Variants in TMOD1 observed in about 807,000 individuals in gnomAD.
TMOD1 encodes the protein tropomodulin 1.
A neutral mutation model predicts 40.6 loss-of-function variants in TMOD1; 17 were observed. The observed-to-expected ratio is 0.42, with a 90% confidence interval of 0.29 to 0.63. TMOD1 has a LOEUF of 0.63. Among genes scored for constraint, TMOD1 ranks in the 20% least tolerant of loss-of-function variants. The pLI, the probability that TMOD1 is intolerant of heterozygous loss-of-function variation, is 0.22. For synonymous variants in TMOD1, 181 were observed against 175.0 expected (o/e 1.03, Z -0.27); for missense variants, 391 against 447.6 (o/e 0.87, Z 1.14).
intron 8 of TMOD1, among the ~76,000 whole-genome samples, chr9:97,569,466 T>C (rs1005729493): frequency 2.0e-5 from 3 of 152,236 alleles, no homozygotes; most frequent in African/African-American, 7.2e-5. Context: ...CCCAGTTTTC[T>C]TCATTCACCC....
intron 1 of TMOD1, among the ~76,000 whole-genome samples, chr9:97,507,916 A>G (rs10982444): frequency 0.5 from 75,419 of 151,918 alleles, 18,880 homozygotes; most frequent in East Asian, 0.62. Flanking sequence ...AGGGCATAGT[A>G]GTTAAGGCGG....
At chr9:97,544,063 A>C (rs1424394150) in intron 2 of TMOD1, among the ~76,000 whole-genome samples, 4 of 152,098 alleles carry the variant, frequency 2.6e-5, no homozygotes, top group Admixed American at 2.6e-4. Context: ...ATCTCTCTGC[A>C]AGTACACCAG....
At chr9:97,537,448 C>T (rs1830202361) in intron 2 of TMOD1, among the ~76,000 whole-genome samples, 1 of 152,198 alleles carries the variant, frequency 6.6e-6, no homozygotes, top group South Asian at 2.1e-4. Flanking sequence ...GATAACTGTG[C>T]AGATACTTGA....
chr9:97,578,110 C>T (rs1179769793), intron 8 of TMOD1, among the ~76,000 whole-genome samples: 1 of 152,112 alleles, frequency 6.6e-6, no homozygotes, highest in African/African-American at 2.4e-5. Flanking sequence ...GGCTGGAGTA[C>T]AGTGGCATGA....
At chr9:97,587,654 A>G (rs1316768983) in intron 8 of TMOD1, among the ~76,000 whole-genome samples, 1 of 151,818 alleles carries the variant, frequency 6.6e-6, no homozygotes, top group Admixed American at 6.6e-5. Flanking sequence ...GTGGGTTTTG[A>G]TGTATTCATA....
chr9:97,598,235 A>C (rs935521859), intron 9 of TMOD1, among the ~76,000 whole-genome samples: 2 of 149,596 alleles, frequency 1.3e-5, no homozygotes, highest in Non-Finnish European at 3.0e-5. Context: ...AGGCTGAAGC[A>C]GGAGAATTGC....
At chr9:97,541,641 G>C (rs1316231218) in intron 2 of TMOD1, among the ~76,000 whole-genome samples, 1 of 150,842 alleles carries the variant, frequency 6.6e-6, no homozygotes, top group East Asian at 1.9e-4. Flanking sequence ...TCAGCCTCCT[G>C]AGTAGCTGGG....
At chr9:97,599,196 ACT>A (rs35220857) in intron 9 of TMOD1, among the ~76,000 whole-genome samples, 31,225 of 151,898 alleles carry the variant, frequency 0.21, 3,989 homozygotes, top group Non-Finnish European at 0.29. Context: ...TCGGGTGGAA[ACT>A]CTCGTTTATA....
At chr9:97,561,537 T>A (rs1338771256) in intron 4 of TMOD1, among the ~76,000 whole-genome samples, 1 of 152,216 alleles carries the variant, frequency 6.6e-6, no homozygotes, top group Non-Finnish European at 1.5e-5. Context: ...AAATTGGGAA[T>A]GATGGATACA....
intron 1 of TMOD1, among the ~76,000 whole-genome samples, chr9:97,506,475 C>A (rs1206741853): frequency 2.0e-5 from 3 of 152,216 alleles, no homozygotes; most frequent in Non-Finnish European, 4.4e-5. Flanking sequence ...CCAGGACAGT[C>A]ACACAACACC....
intron 3 of TMOD1, among the ~76,000 whole-genome samples, chr9:97,547,858 C>T (rs1830389741): frequency 6.6e-6 from 1 of 152,196 alleles, no homozygotes; most frequent in Non-Finnish European, 1.5e-5. Flanking sequence ...GCTGTTTTTG[C>T]TCAAGTGGTA....
intron 1 of TMOD1, among the ~76,000 whole-genome samples, chr9:97,518,152 A>C (rs1829852668): frequency 6.6e-6 from 1 of 152,202 alleles, no homozygotes; most frequent in South Asian, 2.1e-4. Context: ...GTCCCCAAAA[A>C]AGCTGCACCT....
chr9:97,568,751 GAC>G (rs1830772094), intron 7 of TMOD1, 141 bp from the exon 8 acceptor site: 5 of 944,746 alleles, frequency 5.3e-6, no homozygotes, highest in South Asian at 3.3e-5. Context: ...GGAGAGGAGA[GAC>G]ACAGTCAGAG....
At chr9:97,572,765 C>T (rs866709832) in intron 8 of TMOD1, among the ~76,000 whole-genome samples, 3 of 152,168 alleles carry the variant, frequency 2.0e-5, no homozygotes, top group African/African-American at 4.8e-5. Flanking sequence ...TCTCCTTATA[C>T]GGCCAGGGAA....
chr9:97,567,371 CA>C (rs1161723583), intron 7 of TMOD1, among the ~76,000 whole-genome samples: 1 of 152,240 alleles, frequency 6.6e-6, no homozygotes, highest in African/African-American at 2.4e-5. Context: ...ATGCCCGTGT[CA>C]AACACTGAGA....
At chr9:97,537,292 A>G (rs1383313895) in intron 2 of TMOD1, among the ~76,000 whole-genome samples, 1 of 152,186 alleles carries the variant, frequency 6.6e-6, no homozygotes, top group Non-Finnish European at 1.5e-5. Flanking sequence ...ATGTCTGCAC[A>G]TGTGTGCACA....
chr9:97,564,481 C>T (rs1830695587), intron 6 of TMOD1, among the ~76,000 whole-genome samples: 1 of 152,194 alleles, frequency 6.6e-6, no homozygotes, highest in African/African-American at 2.4e-5. Context: ...GAGAGATTCT[C>T]CGAGATAAAA....
At chr9:97,595,898 C>A (rs1238050843) in intron 9 of TMOD1, among the ~76,000 whole-genome samples, 1 of 151,862 alleles carries the variant, frequency 6.6e-6, no homozygotes, top group Non-Finnish European at 1.5e-5. Context: ...CATGGTGAAA[C>A]CCTGTCTCTA....
rs561507856 is a variant in TMOD1, at chr9:97,591,649, C to T, written c.1015+214C>T. Among the ~76,000 whole-genome samples, 19 of 152,350 alleles carry T rather than the reference C, an allele frequency of 1.2e-4. 2 individuals are homozygous for T. The Middle Eastern group carries it at 0.014, about 109-fold the overall frequency. On this transcript the variant is annotated intron_variant, in intron 9 of 9. Coordinates refer to ENST00000259365, the MANE Select transcript of TMOD1 (RefSeq NM_003275.4). ...TTCAGGAGCTAAGGCTGAGTCCTCTCCTCCTCAAAGCACAGCTCAGCACAG... is the reference window on the plus strand; with the variant it reads ...TTCAGGAGCTAAGGCTGAGTCCTCTTCTCCTCAAAGCACAGCTCAGCACAG...
Sources: allele counts gnomAD v4.1 joint callset (sites outside exome capture counted in the v4.1 genomes callset), GRCh38; gene constraint gnomAD v4.1.1; transcripts MANE v1.5; gene names NCBI Gene and HGNC (gene_info 2026-07-23, HGNC 2026-07-21).